CNTN4: variants seen among roughly 807,000 people sequenced by gnomAD.
The protein encoded by CNTN4 is contactin-4.
In CNTN4, 77 loss-of-function variants were observed where a neutral mutation model predicts 122.5. The ratio of observed to expected loss-of-function variants is 0.63; its 90% confidence interval spans 0.52 to 0.76. The LOEUF is 0.76. CNTN4 is among the 30% of genes least tolerant of loss of function. The pLI is 0.00. For missense variants in CNTN4, 1,256 were observed against 1,259.1 expected, an observed-to-expected ratio of 1.00 and a Z score of 0.04; for synonymous variants, 512 against 447.0, an observed-to-expected ratio of 1.15 and a Z score of -1.83.
chr3:2,800,091 T>TA (rs1197069920), intron 6 of CNTN4, among the ~76,000 whole-genome samples: 43 of 151,476 alleles, frequency 2.8e-4, no homozygotes, highest in Non-Finnish European at 4.4e-4. Flanking sequence ...TTTTTTTTTT[T>TA]TTTGCTTAAG....
chr3:2,683,354 G>A (rs1027915048), intron 4 of CNTN4, among the ~76,000 whole-genome samples: 7 of 150,472 alleles, frequency 4.7e-5, no homozygotes, highest in Admixed American at 1.3e-4. Context: ...ACACACACAC[G>A]CAGGTGGATA....
chr3:2,641,618 A>C (rs187547458), intron 4 of CNTN4, among the ~76,000 whole-genome samples: 37 of 152,312 alleles, frequency 2.4e-4, no homozygotes, highest in African/African-American at 8.4e-4. Flanking sequence ...CACCATCTTC[A>C]CAATGACCCT....
intron 3 of CNTN4, among the ~76,000 whole-genome samples, chr3:2,432,662 GTA>G (rs929629235): frequency 6.6e-6 from 1 of 151,736 alleles, no homozygotes; most frequent in African/African-American, 2.4e-5. Context: ...ATATGTGTGT[GTA>G]TATATATGTG....
intron 3 of CNTN4, among the ~76,000 whole-genome samples, chr3:2,382,385 G>C (rs1478323588): frequency 6.6e-6 from 1 of 151,958 alleles, no homozygotes; most frequent in African/African-American, 2.4e-5. Flanking sequence ...TTGAACTCCT[G>C]ACCTCATGAT....
intron 10 of CNTN4, among the ~76,000 whole-genome samples, 156 bp from the exon 11 acceptor site, chr3:2,900,527 AGG>A (rs1422946496): frequency 6.6e-6 from 1 of 152,230 alleles, no homozygotes; most frequent in Non-Finnish European, 1.5e-5. Flanking sequence ...AGTAGGGTAT[AGG>A]CACCTCCCTG....
chr3:2,814,060 T>C (rs945753895), intron 6 of CNTN4, among the ~76,000 whole-genome samples: 4 of 152,198 alleles, frequency 2.6e-5, no homozygotes, highest in African/African-American at 9.7e-5. Flanking sequence ...TTACATTCCA[T>C]AGGAGAATAA....
At chr3:2,121,847 C>G (rs2033803077) in intron 2 of CNTN4, among the ~76,000 whole-genome samples, 1 of 151,984 alleles carries the variant, frequency 6.6e-6, no homozygotes, top group Non-Finnish European at 1.5e-5. Flanking sequence ...TCTGAACTTT[C>G]CATTTCAGTT....
intron 4 of CNTN4, among the ~76,000 whole-genome samples, chr3:2,714,552 C>T (rs1359362670): frequency 1.3e-5 from 2 of 152,024 alleles, no homozygotes; most frequent in African/African-American, 4.8e-5. Flanking sequence ...TGCCAAGGAA[C>T]CCATGGTCCA....
chr3:2,790,160 T>C (rs899420735), intron 6 of CNTN4, among the ~76,000 whole-genome samples: 6 of 152,056 alleles, frequency 3.9e-5, no homozygotes, highest in Non-Finnish European at 8.8e-5. Flanking sequence ...TTATATGGAG[T>C]CACACTGTAA....
intron 3 of CNTN4, among the ~76,000 whole-genome samples, chr3:2,368,282 T>C (rs1183496036): frequency 6.6e-6 from 1 of 152,082 alleles, no homozygotes; most frequent in African/African-American, 2.4e-5. Flanking sequence ...TCCGCCCGCC[T>C]CGGCCTCCCA....
chr3:2,941,901 G>A (rs2094619775), intron 13 of CNTN4, among the ~76,000 whole-genome samples: 1 of 152,124 alleles, frequency 6.6e-6, no homozygotes, highest in Non-Finnish European at 1.5e-5. Flanking sequence ...CTCCCTACCT[G>A]TACGTGCCAG....
chr3:2,303,827 A>G (rs946515512), intron 2 of CNTN4, among the ~76,000 whole-genome samples: 1 of 152,200 alleles, frequency 6.6e-6, no homozygotes, highest in Non-Finnish European at 1.5e-5. Flanking sequence ...TCAGAGAGGT[A>G]TAATAAAGCA....
chr3:2,808,463 A>G (rs2092522411), intron 6 of CNTN4, among the ~76,000 whole-genome samples: 1 of 152,208 alleles, frequency 6.6e-6, no homozygotes. Context: ...TTCAAAATGA[A>G]GAATCATATT....
At chr3:2,843,241 A>G (rs1186091158) in intron 7 of CNTN4, among the ~76,000 whole-genome samples, 1 of 152,090 alleles carries the variant, frequency 6.6e-6, no homozygotes, top group African/African-American at 2.4e-5. Flanking sequence ...TTTGGGTGAT[A>G]GTCTTTATTT....
chr3:2,566,752 GT>G (rs2079178326), intron 3 of CNTN4, among the ~76,000 whole-genome samples: 1 of 152,144 alleles, frequency 6.6e-6, no homozygotes. Flanking sequence ...AAGCAAACAT[GT>G]TTACAGAGAT....
At chr3:2,469,048 T>C (rs193095801) in intron 3 of CNTN4, among the ~76,000 whole-genome samples, 37 of 152,310 alleles carry the variant, frequency 2.4e-4, no homozygotes, top group Admixed American at 2.0e-3. Context: ...TCGAGCTCAT[T>C]GCTACTTAGA....
chr3:2,167,512 A>G (rs1460382720), intron 2 of CNTN4, among the ~76,000 whole-genome samples: 2 of 152,226 alleles, frequency 1.3e-5, no homozygotes, highest in Admixed American at 6.5e-5. Context: ...TGGAAACATA[A>G]ACATTCAAGA....
intron 3 of CNTN4, among the ~76,000 whole-genome samples, chr3:2,550,577 T>G (rs1222746280): frequency 6.6e-6 from 1 of 152,180 alleles, no homozygotes; most frequent in Non-Finnish European, 1.5e-5. Flanking sequence ...AAATACCATT[T>G]GACCCAGCAA....
intron 2 of CNTN4, among the ~76,000 whole-genome samples, chr3:2,197,194 T>C (rs1320610931): frequency 6.6e-6 from 1 of 152,190 alleles, no homozygotes; most frequent in Non-Finnish European, 1.5e-5. Context: ...AGTTCTCTCT[T>C]CTCCATACTG....
Sources: gnomAD v4.1 joint callset for allele counts (sites outside exome capture counted in the v4.1 genomes callset) on GRCh38, gnomAD v4.1.1 for gene constraint, MANE v1.5 for transcripts, NCBI Gene and HGNC (gene_info 2026-07-23, HGNC 2026-07-21) for gene names.